QTGAL: variants seen among roughly 807,000 people sequenced by gnomAD.
The protein encoded by QTGAL is BGnT-like protein 1.
chr17:82,996,141 C>T, the QTGAL span, among the ~76,000 whole-genome samples: 65 of 152,308 alleles, frequency 4.3e-4, no homozygotes, highest in African/African-American at 1.6e-3. Context: ...ATTCGAAGAA[C>T]GACTATTGTT....
chr17:82,952,330 G>C, the QTGAL span, among the ~76,000 whole-genome samples: 1 of 152,190 alleles, frequency 6.6e-6, no homozygotes, highest in Non-Finnish European at 1.5e-5. Context: ...AGTACCGCTT[G>C]GGGCCTGGCT....
the QTGAL span, among the ~76,000 whole-genome samples, chr17:83,004,742 G>A: frequency 7.9e-6 from 1 of 127,066 alleles, no homozygotes; most frequent in Admixed American, 7.5e-5. Context: ...TGGGATTCCT[G>A]AGCCCGCCCT....
the QTGAL span, among the ~76,000 whole-genome samples, chr17:83,011,211 G>T: frequency 6.6e-6 from 1 of 152,246 alleles, no homozygotes; most frequent in Non-Finnish European, 1.5e-5. Context: ...AGGAAGGACG[G>T]GGGTTGGCTG....
At chr17:82,998,942 A>G in the QTGAL span, among the ~76,000 whole-genome samples, 1 of 141,340 alleles carries the variant, frequency 7.1e-6, no homozygotes, top group East Asian at 2.1e-4. Flanking sequence ...ACCACTACAT[A>G]CCTACTAGAT....
the QTGAL span, chr17:82,948,457 C>G: frequency 5.3e-5 from 8 of 152,302 alleles, no homozygotes; most frequent in African/African-American, 1.9e-4. Context: ...CCACTGCCCA[C>G]AGGCCTGGGT....
the QTGAL span, chr17:83,006,226 T>TCG: frequency 1.0e-6 from 1 of 985,294 alleles, no homozygotes; most frequent in Admixed American, 6.2e-5. The surrounding 1 kb of genome is among the most constrained non-coding windows in gnomAD (Gnocchi z 5.8). Context: ...CTCCTAACTC[T>TCG]GAAGCGATGA....
chr17:82,968,775 G>A, the QTGAL span, among the ~76,000 whole-genome samples: 21 of 152,262 alleles, frequency 1.4e-4, no homozygotes, highest in African/African-American at 4.3e-4. Context: ...TGAGGCGGGC[G>A]GATCACTTGA....
the QTGAL span, among the ~76,000 whole-genome samples, chr17:83,008,489 C>T: frequency 4.6e-5 from 7 of 152,092 alleles, no homozygotes; most frequent in Admixed American, 1.3e-4. Flanking sequence ...TGAGGGGACA[C>T]GGGGGGCTGT....
At chr17:83,045,096 G>C in the QTGAL span, among the ~76,000 whole-genome samples, 1 of 152,164 alleles carries the variant, frequency 6.6e-6, no homozygotes, top group Non-Finnish European at 1.5e-5. Context: ...ATAATTGTAG[G>C]ATACAAGGTC....
the QTGAL span, among the ~76,000 whole-genome samples, chr17:83,039,806 TGC>T: frequency 3.5e-4 from 53 of 152,308 alleles, no homozygotes; most frequent in Non-Finnish European, 7.4e-5. Flanking sequence ...ACTTTACTCC[TGC>T]GTCTTCTGAG....
At chr17:82,952,380 A>T in the QTGAL span, among the ~76,000 whole-genome samples, 1 of 152,202 alleles carries the variant, frequency 6.6e-6, no homozygotes, top group Admixed American at 6.5e-5. Flanking sequence ...TTACCAAGAA[A>T]ATGCAAAGCA....
chr17:82,981,271 C>T, the QTGAL span: 1 of 152,214 alleles, frequency 6.6e-6, no homozygotes. Context: ...CACGTATAAC[C>T]TTGGACTCCC....
the QTGAL span, among the ~76,000 whole-genome samples, chr17:82,973,699 A>G: frequency 2.6e-5 from 4 of 152,172 alleles, no homozygotes; most frequent in Admixed American, 2.6e-4. Context: ...GAGCCGGCTA[A>G]GAAGTTACCT....
the QTGAL span, among the ~76,000 whole-genome samples, chr17:83,012,995 G>A: frequency 6.6e-6 from 1 of 152,034 alleles, no homozygotes; most frequent in African/African-American, 2.4e-5. Context: ...TCCAGAAACT[G>A]ACTTCCGGAG....
At chr17:82,956,386 C>T in the QTGAL span, among the ~76,000 whole-genome samples, 3 of 152,170 alleles carry the variant, frequency 2.0e-5, no homozygotes, top group African/African-American at 7.2e-5. This position sits in a 1 kb window ranked among gnomAD's most constrained non-coding sequence, Gnocchi z 5.7. Context: ...CGCAGGGCCT[C>T]GTGCTTTGCA....
the QTGAL span, chr17:83,006,321 T>TGCAG: frequency 1.0e-6 from 1 of 985,510 alleles, no homozygotes; most frequent in Non-Finnish European, 1.2e-6. This position sits in a 1 kb window ranked among gnomAD's most constrained non-coding sequence, Gnocchi z 5.8. Context: ...TTTCTACCAA[T>TGCAG]GCAGTTAATG....
the QTGAL span, among the ~76,000 whole-genome samples, chr17:82,967,811 T>A: frequency 1.3e-3 from 201 of 152,074 alleles, 1 homozygote; most frequent in African/African-American, 4.7e-3. Flanking sequence ...GATGCTCCCC[T>A]GTAGGCCCAG....
the QTGAL span, chr17:83,005,619 T>G: frequency 1.4e-6 from 1 of 702,838 alleles, no homozygotes; most frequent in Non-Finnish European, 2.6e-6. This position sits in a 1 kb window ranked among gnomAD's most constrained non-coding sequence, Gnocchi z 5.6. Flanking sequence ...CCGCTGCCTG[T>G]CCGCAGGCCG....
At chr17:82,958,554 C>G in the QTGAL span, among the ~76,000 whole-genome samples, 1 of 152,178 alleles carries the variant, frequency 6.6e-6, no homozygotes, top group African/African-American at 2.4e-5. Flanking sequence ...GACTCCCCCC[C>G]AACCCTGTGG....
Sources: gnomAD v4.1 joint callset for allele counts (sites outside exome capture counted in the v4.1 genomes callset) on GRCh38, gnomAD v4.1.1 for gene constraint, Gnocchi (gnomAD v3.1) non-coding constraint, MANE v1.5 for transcripts, NCBI Gene and HGNC (gene_info 2026-07-23, HGNC 2026-07-21) for gene names.